The following DZIP3 variants were observed in gnomAD, a reference collection of about 807,000 sequenced individuals.
DZIP3 encodes DAZ interacting zinc finger protein 3, also known as E3 ubiquitin-protein ligase DZIP3.
Under a neutral mutation model 162.0 loss-of-function variants are expected in DZIP3, and 118 were observed. That is an observed-to-expected ratio of 0.73 (90% CI 0.63 to 0.85). The LOEUF is 0.85. Ranked by LOEUF, DZIP3 falls within the 40% of genes least tolerant of loss-of-function variation. The pLI is 0.00. For missense variants in DZIP3, 1,331 were observed against 1,407.0 expected (o/e 0.95, Z 0.86); for synonymous variants, 438 against 458.6 (o/e 0.96, Z 0.57).
At chr3:108,673,016 C>G (rs916605875) in intron 23 of DZIP3, among the ~76,000 whole-genome samples, 1 of 151,894 alleles carries the variant, frequency 6.6e-6, no homozygotes, top group Non-Finnish European at 1.5e-5. Context: ...TTTGCTACTT[C>G]CAATATATAT....
At chr3:108,672,679 GGTATGGGGTGAGGGGAA>G (rs768592186) in intron 23 of DZIP3, 23 bp downstream of exon 23, 11 of 1,592,876 alleles carry the variant, frequency 6.9e-6, no homozygotes, top group Admixed American at 3.4e-5. Context: ...CGGGGACAGG[GGTATGGGGTGAGGGGAA>G]AAGTTTTACT....
chr3:108,670,658 G>A (rs540363877), intron 22 of DZIP3, among the ~76,000 whole-genome samples: 36 of 151,958 alleles, frequency 2.4e-4, no homozygotes, highest in African/African-American at 8.4e-4. Flanking sequence ...GAATTGCTTG[G>A]TGATCAGTCA....
rs1942519090 is a variant in DZIP3, at chr3:108,644,208, C to G, written c.1186C>G (p.Leu396Val). ...FKLDYNYFYH[L>V]LHIIIISGTD... ...GCTTGATTATAATTATTTCTATCATCTGCTTCATATAATTATTATTTCTGG... is the reference window on the plus strand; with the variant it reads ...GCTTGATTATAATTATTTCTATCATGTGCTTCATATAATTATTATTTCTGG... The change falls in exon 14 of 33, where the codon CTG becomes GTG. Residue 396 changes from leucine (L) to valine (V), a missense_variant. This residue lies in a region of DZIP3 where 1,278 missense variants were observed against 1,317.1 expected (regional missense o/e 0.97). Transcript: ENST00000361582. 6.2e-7 allele frequency: 1 copy of G among 1,607,738 alleles called. No individual in the cohort carries two copies. Among genetic ancestry groups the G allele is most frequent in the Non-Finnish European group, 8.5e-7 (1 of 1,177,610 alleles).
intron 21 of DZIP3, among the ~76,000 whole-genome samples, chr3:108,667,618 G>C (rs1388161900): frequency 6.6e-6 from 1 of 152,070 alleles, no homozygotes; most frequent in Non-Finnish European, 1.5e-5. Context: ...CAGTAGTTTT[G>C]CAAGATGTTA....
chr3:108,637,336 G>A (rs945224652), intron 11 of DZIP3, among the ~76,000 whole-genome samples, 160 bp from the exon 12 acceptor site: 3 of 151,738 alleles, frequency 2.0e-5, no homozygotes, highest in Non-Finnish European at 4.4e-5. Context: ...TTTTTGATCA[G>A]GATTATTTAT....
chr3:108,609,870 AATT>A (rs1203388073), intron 3 of DZIP3, among the ~76,000 whole-genome samples: 1 of 152,126 alleles, frequency 6.6e-6, no homozygotes, highest in African/African-American at 2.4e-5. Context: ...CCTGTTGAAA[AATT>A]TTTATTCATG....
chr3:108,656,706 A>T (rs1943139598), intron 19 of DZIP3, among the ~76,000 whole-genome samples: 1 of 152,198 alleles, frequency 6.6e-6, no homozygotes, highest in Non-Finnish European at 1.5e-5. Context: ...CTAAAGGAGG[A>T]AGTTCGAACC....
At chr3:108,617,400 G>T (rs548079512) in intron 5 of DZIP3, among the ~76,000 whole-genome samples, 49 of 147,220 alleles carry the variant, frequency 3.3e-4, no homozygotes, top group Non-Finnish European at 6.8e-4. Flanking sequence ...ATTTAAAAAA[G>T]AAAAAATATT....
intron 22 of DZIP3, among the ~76,000 whole-genome samples, chr3:108,672,031 G>A (rs186727587): frequency 6.6e-6 from 1 of 152,094 alleles, no homozygotes; most frequent in East Asian, 1.9e-4. Context: ...GGTATCTGGT[G>A]AGGATCCTCT....
intron 5 of DZIP3, among the ~76,000 whole-genome samples, chr3:108,620,978 C>A (rs765429789): frequency 6.6e-6 from 1 of 152,024 alleles, no homozygotes; most frequent in South Asian, 2.1e-4. Context: ...CGTGCCACCA[C>A]GCCTGGCTAA....
intron 32 of DZIP3, among the ~76,000 whole-genome samples, chr3:108,691,956 C>T (rs1379233959): frequency 1.3e-5 from 2 of 152,058 alleles, no homozygotes; most frequent in African/African-American, 4.8e-5. Flanking sequence ...GTATATAAGC[C>T]CCAAATTCTA....
chr3:108,614,912 A>G (rs930938804), intron 4 of DZIP3, among the ~76,000 whole-genome samples: 14 of 152,082 alleles, frequency 9.2e-5, no homozygotes, highest in African/African-American at 3.4e-4. Flanking sequence ...TTACTTCTCC[A>G]CTTTCCTACC....
chr3:108,619,060 CAAAAAAAAAAAAA>C (rs57700432), intron 5 of DZIP3, among the ~76,000 whole-genome samples: 7 of 70,096 alleles, frequency 1.0e-4, no homozygotes, highest in South Asian at 8.4e-4. Context: ...GACTCCATCT[CAAAAAAAAAAAAA>C]AAAAAAAAAA....
chr3:108,676,760 AT>A (rs894468307), intron 25 of DZIP3, among the ~76,000 whole-genome samples: 10 of 152,020 alleles, frequency 6.6e-5, no homozygotes, highest in Non-Finnish European at 2.9e-5. Flanking sequence ...TTTATTCAAA[AT>A]TTTTGCCTCA....
chr3:108,631,055 A>ACACACACACACACATATACACTCTCTCT, intron 8 of DZIP3, among the ~76,000 whole-genome samples: 1 of 18,006 alleles, frequency 5.6e-5, no homozygotes, highest in Non-Finnish European at 9.0e-5. Flanking sequence ...ACACACACAC[A>ACACACACACACACATATACACTCTCTCT]CTCTCTCTCT....
intron 24 of DZIP3, 136 bp downstream of exon 24, chr3:108,674,317 G>T (rs41267027): frequency 1.6e-4 from 100 of 642,670 alleles, no homozygotes; most frequent in African/African-American, 3.4e-4. Flanking sequence ...GTTTTTTTGG[G>T]TTTTTTTTCA....
intron 8 of DZIP3, among the ~76,000 whole-genome samples, chr3:108,631,055 A>ACACACACACACACTCTCTCTCTCTCT: frequency 1.7e-4 from 3 of 18,014 alleles, no homozygotes; most frequent in South Asian, 2.3e-3. Flanking sequence ...ACACACACAC[A>ACACACACACACACTCTCTCTCTCTCT]CTCTCTCTCT....
chr3:108,636,676 C>G lies in DZIP3; in HGVS notation c.979C>G (p.Gln327Glu). 7 of 1,584,696 alleles carry G rather than the reference C, an allele frequency of 4.4e-6. No homozygotes were observed. Among genetic ancestry groups the G allele is most frequent in the Non-Finnish European group, 6.0e-6 (7 of 1,170,844 alleles). ...TACAGGTGACATGGTAAGGATGCTG[C>G]AATGTGATGTACCTGGAATTGTTAA... ...GCTGDMVRML[Q>E]CDVPGIVKIL... The change falls in exon 11 of 33, where the codon CAA (glutamine) becomes GAA (glutamate). Residue 327 changes from glutamine (Q) to glutamate (E), a missense_variant. Physicochemically the swap from Gln to Glu is conservative, Grantham distance 29 (BLOSUM62 2). Coordinates refer to ENST00000361582, the MANE Select transcript of DZIP3 (RefSeq NM_014648.4).
chr3:108,621,281 C>G (rs559425367), intron 5 of DZIP3, among the ~76,000 whole-genome samples: 1 of 152,080 alleles, frequency 6.6e-6, no homozygotes, highest in Admixed American at 6.5e-5. Context: ...TTCTTTTTTA[C>G]CAGTTTTTAA....
Sources: allele counts gnomAD v4.1 joint callset (sites outside exome capture counted in the v4.1 genomes callset), GRCh38; gene constraint gnomAD v4.1.1; regional missense constraint gnomAD v4.1.1; transcripts MANE v1.5; gene names NCBI Gene and HGNC (gene_info 2026-07-23, HGNC 2026-07-21).